Variants in MEIS3 observed in about 807,000 individuals in gnomAD.
MEIS3 encodes homeobox protein Meis3.
A neutral mutation model predicts 51.4 loss-of-function variants in MEIS3; 38 were observed. The ratio of observed to expected loss-of-function variants is 0.74; its 90% CI spans 0.57 to 0.97. The LOEUF is 0.97. Among genes scored for constraint, MEIS3 ranks in the 50% least tolerant of loss-of-function variants. The probability of loss-of-function intolerance (pLI) is 0.00; values close to 1 mark genes in which losing one functional copy is unlikely to be tolerated. For missense variants in MEIS3, 456 were observed against 502.6 expected, an observed-to-expected ratio of 0.91 and a Z score of 0.89; for synonymous variants, 198 against 201.8, an observed-to-expected ratio of 0.98 and a Z score of 0.16.
Position 47,414,868 on chromosome 19 carries a change from TG to T in MEIS3, c.448-3del, listed in dbSNP as rs754589852. ...GAAGTTGTCGCACAGGTCGTGGACC[TG>T]GGGGGGCACCGGGGTACTGGGGGGG... On this transcript the variant is annotated splice_region_variant and splice_polypyrimidine_tract_variant and intron_variant, in intron 5 of 12. Transcript: ENST00000558555. The T allele has an allele frequency of 5.2e-6, 6 of 1,156,124 alleles. No individual in the cohort carries two copies. The highest frequency in any genetic ancestry group is 2.5e-5 in the African/African-American group (1 of 39,262). The allele number at this position is 1,156,124 out of a possible 1,614,324, so 71.6% of individuals were successfully genotyped here.
In MEIS3 at chr19:47,409,559, GA is replaced by G; in HGVS notation, c.598-13del. 6.2e-7 allele frequency: 1 copy of G among 1,607,276 alleles called. No individual in the cohort carries two copies. The highest frequency in any genetic ancestry group is 8.5e-7 in the Non-Finnish European group (1 of 1,173,920). On this transcript the variant is annotated splice_polypyrimidine_tract_variant and intron_variant, in intron 6 of 12. Transcript: ENST00000558555. ...ATCCACATATTATTCTAGAAAACAA[GA>G]GTTAGAAGTTAGTGCCAAGGCGGCC...
At position 47,416,690 on chromosome 19, in the gene MEIS3, T is replaced by C; in HGVS notation, c.358A>G (p.Arg120Gly). The change falls in exon 4 of 13, where the codon AGG becomes GGG. Residue 120 changes from arginine to glycine, a missense_variant. By Grantham distance (125) the Arg-to-Gly change is moderately radical (BLOSUM62 -2). Coordinates refer to ENST00000558555, the MANE Select transcript of MEIS3 (RefSeq NM_001301059.2). Reference sequence around the variant, plus strand: ...TCTGGGTTGGAGGAGAAGAGGGGCCTCTCAGAGCGAACCTGGGAGGGAAGA... The same window carrying C: ...TCTGGGTTGGAGGAGAAGAGGGGCCCCTCAGAGCGAACCTGGGAGGGAAGA... ...AAFAKQVRSE[R>G]PLFSSNPELD... 5 of 1,569,260 alleles carry C rather than the reference T, an allele frequency of 3.2e-6. No individual in the cohort carries two copies. The highest frequency in any genetic ancestry group is 3.5e-6 in the Non-Finnish European group (4 of 1,157,168).
chr19:47,420,892 G>GCT (rs147025798), upstream of MEIS3, among the ~76,000 whole-genome samples: 1,344 of 108,118 alleles, frequency 0.012, 9 homozygotes, highest in East Asian at 0.031. Context: ...TCTGTCTCTC[G>GCT]CTCTCTCTCT....
intron 1 of MEIS3, chr19:47,417,773 A>G (rs1971527378): frequency 3.1e-6 from 2 of 638,602 alleles, no homozygotes; most frequent in Admixed American, 2.5e-5. Context: ...CTTCTATTTC[A>G]TTTCACAGTT....
At chr19:47,419,976 G>T (rs560944563), upstream of MEIS3, among the ~76,000 whole-genome samples, 1 of 152,244 alleles carries the variant, frequency 6.6e-6, no homozygotes, top group South Asian at 2.1e-4. Context: ...TGGGCAGTGC[G>T]CTGGGGGCGG....
chr19:47,407,362 C>T lies in MEIS3; in HGVS notation c.925G>A (p.Val309Ile), dbSNP rs2122479390. 3.1e-6 allele frequency: 5 copies of T among 1,613,306 alleles called. No homozygotes were observed. The East Asian group carries it at 1.1e-4, about 36-fold the overall frequency. The change falls in exon 9 of 13, where the codon GTC (valine) becomes ATC (isoleucine). Residue 309 changes from valine to isoleucine, a missense_variant. By Grantham distance (29) the Val-to-Ile change is conservative (BLOSUM62 3). Coordinates refer to ENST00000558555, the MANE Select transcript of MEIS3 (RefSeq NM_001301059.2). ...AQDTGLTILQVNNWFINARRR... is the reference protein window; with the variant it reads ...AQDTGLTILQINNWFINARRR... ...TCCTGGGCCACTCACCAGTTGTTGA[C>T]TTGCAGGATGGTGAGCCCCGTGTCC...
At chr19:47,414,991 G>A (rs775183936) in intron 5 of MEIS3, 60 bp downstream of exon 5, 26 of 1,054,670 alleles carry the variant, frequency 2.5e-5, no homozygotes, top group Non-Finnish European at 3.3e-5. Context: ...GGGCAGAGGC[G>A]ACGAGAGGGG....
chr19:47,406,984 T>C lies in MEIS3; in HGVS notation c.995-13A>G, dbSNP rs971391668. 6.4e-7 allele frequency: 1 copy of C among 1,573,982 alleles called. No individual in the cohort carries two copies. The highest frequency in any genetic ancestry group is 1.3e-5 in the African/African-American group (1 of 74,390). ...GCTGCACCCTGCCCTGCGAAGGGGG[T>C]TCAGAGGTGCAGGCTGAGCCCCAGG... is the stretch of plus-strand genomic sequence containing the variant. On this transcript the variant is annotated splice_polypyrimidine_tract_variant and intron_variant, in intron 10 of 12. Coordinates refer to ENST00000558555, the MANE Select transcript of MEIS3 (RefSeq NM_001301059.2).
chr19:47,407,712 G>A (rs866776050), intron 8 of MEIS3: 2 of 568,978 alleles, frequency 3.5e-6, no homozygotes, highest in South Asian at 3.8e-5. Context: ...CCTGTGGCGT[G>A]GGGGAGGGGC....
intron 6 of MEIS3, among the ~76,000 whole-genome samples, chr19:47,413,206 GGCCAACATGGTGA>G (rs1971224012): frequency 6.6e-6 from 1 of 151,316 alleles, no homozygotes; most frequent in South Asian, 2.1e-4. Context: ...AGGCCAGCCT[GGCCAACATGGTGA>G]AACCCCGTCT....
chr19:47,421,499 C>T (rs575006459), upstream of MEIS3, among the ~76,000 whole-genome samples: 11 of 152,270 alleles, frequency 7.2e-5, no homozygotes, highest in African/African-American at 2.2e-4. Flanking sequence ...TCCTCTCTCT[C>T]GGGCCTGCTA....
chr19:47,413,925 C>T (rs926867657), intron 6 of MEIS3, among the ~76,000 whole-genome samples: 21 of 150,862 alleles, frequency 1.4e-4, no homozygotes, highest in Non-Finnish European at 2.7e-4. Context: ...TTAGTAGAGA[C>T]GGGGTTTCAC....
intron 9 of MEIS3, 99 bp from the exon 10 acceptor site, chr19:47,407,236 C>A: frequency 1.3e-6 from 2 of 1,484,758 alleles, no homozygotes; most frequent in East Asian, 2.4e-5. Flanking sequence ...GCGGGGGAGG[C>A]AGAGCGGGGC....
chr19:47,404,191 G>T (rs1970714983), intron 12 of MEIS3, among the ~76,000 whole-genome samples: 1 of 151,946 alleles, frequency 6.6e-6, no homozygotes, highest in Non-Finnish European at 1.5e-5. Context: ...AGACAGAAAG[G>T]AGCAGAGAAA....
chr19:47,412,170 AG>A (rs1971166442), intron 6 of MEIS3: 1 of 152,104 alleles, frequency 6.6e-6, no homozygotes, highest in South Asian at 2.1e-4. Context: ...ACACACTTTG[AG>A]GAACTCAACA....
intron 1 of MEIS3, 57 bp from the exon 2 acceptor site, chr19:47,417,407 ACTCGG>A: frequency 6.3e-7 from 1 of 1,598,448 alleles, no homozygotes; most frequent in South Asian, 1.1e-5. Context: ...GCACCCCGAG[ACTCGG>A]CTGAGGAGCT....
In MEIS3 at chr19:47,417,290, G is replaced by A; in HGVS notation, c.73C>T (p.Pro25Ser). 1 of 1,613,662 alleles carries A rather than the reference G, an allele frequency of 6.2e-7. No homozygotes were observed. The highest frequency in any genetic ancestry group is 1.3e-5 in the African/African-American group (1 of 75,046). ...VDGPAALASF[P>S]ETVPAVPGPY... ...CCTGGTACTGCGGGCACTGTCTCTG[G>A]GAAGCTAGCCAGGGCTGCGGGGCCA... Residue 25 changes from proline to serine, a missense_variant, in exon 2 of 13, where the codon CCA (proline) becomes TCA (serine). Coordinates refer to ENST00000558555, the MANE Select transcript of MEIS3 (RefSeq NM_001301059.2).
At chr19:47,420,975 T>TC (rs1568434398), upstream of MEIS3, among the ~76,000 whole-genome samples, 242 of 79,082 alleles carry the variant, frequency 3.1e-3, no homozygotes, top group African/African-American at 8.9e-3. Context: ...CTCTCTCTCT[T>TC]CCTGGCTGTC....
intron 6 of MEIS3, among the ~76,000 whole-genome samples, chr19:47,413,048 T>C (rs758831064): frequency 4.0e-5 from 6 of 151,816 alleles, no homozygotes; most frequent in Admixed American, 6.6e-5. Flanking sequence ...GTTTGAAGGT[T>C]TGGTTGTCCT....
Sources: gnomAD v4.1 joint callset for allele counts (sites outside exome capture counted in the v4.1 genomes callset) on GRCh38, gnomAD v4.1.1 for gene constraint, MANE v1.5 for transcripts, NCBI Gene and HGNC (gene_info 2026-07-23, HGNC 2026-07-21) for gene names.